Variants in CACNA1F observed in about 807,000 individuals in gnomAD.
CACNA1F encodes voltage-dependent L-type calcium channel subunit alpha-1F.
A neutral mutation model predicts 143.8 loss-of-function variants in CACNA1F; 59 were observed. The ratio of observed to expected loss-of-function variants is 0.41; its 90% CI spans 0.33 to 0.51. The LOEUF (loss-of-function observed/expected upper bound fraction) is 0.51, where lower values mean the gene tolerates loss of function less well. CACNA1F is among the 20% of genes least tolerant of loss of function. The pLI is 0.22. For missense variants in CACNA1F, 1,411 were observed against 1,647.5 expected (o/e 0.86, Z 2.48); for synonymous variants, 643 against 649.1 (o/e 0.99, Z 0.14).
In CACNA1F at chrX:49,209,779, G is replaced by A. The variant is rs782147016; in HGVS notation, c.4691-20C>T. On this transcript the variant is annotated intron_variant, in intron 40 of 47. Transcript: ENST00000323022. ...CCTCCTCTAGGGGCAAGGGAGAGAA[G>A]GCAAGATCACACAGGGGCCCTCTGA... 1,194 of 1,208,830 alleles carry A rather than the reference G, an allele frequency of 9.9e-4. 9 individuals carry two copies. In the South Asian group the frequency reaches 0.02, roughly 20 times the overall value.
chrX:49,228,219 C>A (rs782497188), intron 7 of CACNA1F, 32 bp downstream of exon 7: 2 of 1,201,343 alleles, frequency 1.7e-6, no homozygotes, highest in East Asian at 5.9e-5. Context: ...GCAGGTGCAG[C>A]CTTTGAGCTC....
At chrX:49,214,925 T>C (rs2065695330) in intron 29 of CACNA1F, among the ~76,000 whole-genome samples, 161 bp downstream of exon 29, 1 of 111,030 alleles carries the variant, frequency 9.0e-6, no homozygotes, top group Non-Finnish European at 1.9e-5. Flanking sequence ...GTACTGGCCA[T>C]AGACTTAAAG....
intron 13 of CACNA1F, among the ~76,000 whole-genome samples, chrX:49,225,287 G>T (rs782712828): frequency 9.0e-6 from 1 of 110,892 alleles, no homozygotes; most frequent in Non-Finnish European, 1.9e-5. Flanking sequence ...GACTGGGGCT[G>T]GTTTGTGGGT....
At chrX:49,226,838 G>A in intron 9 of CACNA1F, 132 bp downstream of exon 9, 1 of 1,023,794 alleles carries the variant, frequency 9.8e-7, no homozygotes, top group Non-Finnish European at 1.4e-6. Context: ...TAACTTGGGG[G>A]CTGGGGCTAG....
intron 19 of CACNA1F, among the ~76,000 whole-genome samples, chrX:49,220,160 C>T (rs1602642101): frequency 8.9e-6 from 1 of 112,160 alleles, no homozygotes; most frequent in Non-Finnish European, 1.9e-5. Context: ...TCACTGCAAC[C>T]TTGAACTTCT....
intron 6 of CACNA1F, among the ~76,000 whole-genome samples, chrX:49,229,083 G>C (rs901029552): frequency 8.9e-6 from 1 of 112,557 alleles, no homozygotes. Flanking sequence ...AGGCATGGGC[G>C]GGAGTCTGGG....
chrX:49,228,576 T>C (rs2065848094), intron 6 of CACNA1F, 129 bp from the exon 7 acceptor site: 3 of 545,339 alleles, frequency 5.5e-6, no homozygotes, highest in Middle Eastern at 5.2e-4. Flanking sequence ...TCTTTCTTTC[T>C]TTTTTTGAGA....
chrX:49,222,820 A>T lies in CACNA1F; in HGVS notation c.2104T>A (p.Trp702Arg). ...TVFQILTGEDWNVVMYDGIMA... is the reference protein window; with the variant it reads ...TVFQILTGEDRNVVMYDGIMA... ...ATACCATCATACATGACCACGTTCC[A>T]GTCCTCACCTGTCAGGATCTGGGGG... Residue 702 changes from tryptophan to arginine, a missense_variant, in exon 16 of 48, where the codon TGG becomes AGG. Physicochemically the swap from Trp to Arg is moderately radical, Grantham distance 101. Around this residue, in one of 3 missense-constraint regions of CACNA1F, gnomAD observed 950 missense variants for 1,128.1 expected, o/e 0.84. Coordinates refer to ENST00000323022, the MANE Select transcript of CACNA1F (RefSeq NM_001256789.3). 8.3e-7 allele frequency: 1 copy of T among 1,211,459 alleles called. No individual in the cohort carries two copies. Among genetic ancestry groups the T allele is most frequent in the Non-Finnish European group, 1.1e-6 (1 of 895,319 alleles).
rs782497299 is a variant in CACNA1F, at chrX:49,205,164, G to A, written c.5874C>T (p.Asp1958=). 14 of 1,207,982 alleles carry A rather than the reference G, an allele frequency of 1.2e-5. No individual in the cohort carries two copies. Among genetic ancestry groups the A allele is most frequent in the African/African-American group, 5.2e-5 (3 of 57,230 alleles). Residue 1958 remains aspartate (D), a synonymous_variant, in exon 48 of 48, where the codon GAC becomes GAT. Coordinates refer to ENST00000323022, the MANE Select transcript of CACNA1F (RefSeq NM_001256789.3). ...LSRFDEEDLG[D]EMACVHAL Reference sequence around the variant, plus strand: ...AGAGGGCGTGGACGCAGGCCATCTCGTCTCCCAAGTCCTCCTCATCGAAGC... The same window carrying A: ...AGAGGGCGTGGACGCAGGCCATCTCATCTCCCAAGTCCTCCTCATCGAAGC...
rs782761857 is a variant in CACNA1F at position 49,206,560 on chromosome X, A to G, written c.5423T>C (p.Ile1808Thr). ...QRQGSCEDLP[I>T]PGTYHRGRNS... ...TCGCCCACGATGATAGGTGCCTGGGATGGGTAAATCCTCACAACTGCCCTG... is the reference window on the plus strand; with the variant it reads ...TCGCCCACGATGATAGGTGCCTGGGGTGGGTAAATCCTCACAACTGCCCTG... Residue 1808 changes from isoleucine (I) to threonine (T), a missense_variant, in exon 46 of 48, where the codon ATC becomes ACC. By Grantham distance (89) the Ile-to-Thr change is moderately conservative. Coordinates refer to ENST00000323022, the MANE Select transcript of CACNA1F (RefSeq NM_001256789.3). 1.7e-6 allele frequency: 2 copies of G among 1,208,396 alleles called. No homozygotes were observed. The highest frequency in any genetic ancestry group is 2.2e-6 in the Non-Finnish European group (2 of 894,254).
intron 33 of CACNA1F, 71 bp from the exon 34 acceptor site, chrX:49,212,379 G>C: frequency 1.1e-6 from 1 of 892,532 alleles, no homozygotes; most frequent in Admixed American, 2.3e-5. Context: ...GCCCCAGAAT[G>C]CACTGCTTTC....
rs782241013 is a variant in CACNA1F at position 49,217,974 on chromosome X, C to T, written c.2960G>A (p.Arg987Gln). 2.5e-5 allele frequency: 30 copies of T among 1,207,873 alleles called. No individual in the cohort carries two copies. Among genetic ancestry groups the T allele is most frequent in the Admixed American group, 2.2e-4 (10 of 45,710 alleles). ...HVVQCVFVAI[R>Q]TIGNIMIVTT... Reference sequence around the variant, plus strand: ...GACAATCATGATGTTTCCGATGGTCCGGATGGCCACAAATACACACTGCAC... The same window carrying T: ...GACAATCATGATGTTTCCGATGGTCTGGATGGCCACAAATACACACTGCAC... Residue 987 changes from arginine to glutamine, a missense_variant, in exon 25 of 48, where the codon CGG becomes CAG. Transcript: ENST00000323022.
rs200953667 is a variant in CACNA1F, at chrX:49,211,862, C to T, written c.4100+36G>A. ...CTCAGAGAGGGTGGGTGGGCACCCA[C>T]GGGCATAAGGTGGCAGGGGAGTGAG... On this transcript the variant is annotated intron_variant, in intron 35 of 47. Coordinates refer to ENST00000323022, the MANE Select transcript of CACNA1F (RefSeq NM_001256789.3). 2.6e-5 allele frequency: 29 copies of T among 1,137,228 alleles called. No homozygotes were observed. The Admixed American group carries it at 3.7e-4, about 15-fold the overall frequency. 93.7% of individuals were successfully genotyped at this position (1,137,228 alleles called of 1,213,427 possible). A position where few individuals can be genotyped will look rare whatever the true frequency, so the allele number is the denominator to read the frequency against.
intron 26 of CACNA1F, 112 bp from the exon 27 acceptor site, chrX:49,216,640 A>G: frequency 1.4e-6 from 1 of 702,240 alleles, no homozygotes; most frequent in South Asian, 2.7e-5. Context: ...AATATGTTCT[A>G]GGTTCAAATC....
In CACNA1F at chrX:49,207,021, C is replaced by T. The variant is rs1557105076; in HGVS notation, c.5215G>A (p.Glu1739Lys). The change falls in exon 44 of 48, where the codon GAG becomes AAG. Residue 1739 changes from glutamate to lysine, a missense_variant. Glu to Lys is a moderately conservative substitution (Grantham distance 56, BLOSUM62 1). Transcript: ENST00000323022. ...TKGQNKQDEDEEVPDRLSYLD... is the reference protein window; with the variant it reads ...TKGQNKQDEDKEVPDRLSYLD... Reference sequence around the variant, plus strand: ...CCAGTGTACCGATCAGGGACTTCCTCATCCTCATCTTGCTTGTTTTGCCCT... The same window carrying T: ...CCAGTGTACCGATCAGGGACTTCCTTATCCTCATCTTGCTTGTTTTGCCCT... The T allele has an allele frequency of 2.5e-6, 3 of 1,199,139 alleles. No homozygotes were observed. The highest frequency in any genetic ancestry group is 3.0e-5 in the East Asian group (1 of 33,691).
At chrX:49,214,320 C>G (rs1455598133) in intron 29 of CACNA1F, 51 bp from the exon 30 acceptor site, 3 of 744,830 alleles carry the variant, frequency 4.0e-6, no homozygotes, top group Non-Finnish European at 6.4e-6. Context: ...GATGCCGCCA[C>G]ACCCAACCAA....
In CACNA1F at chrX:49,212,318, TG is replaced by T; in HGVS notation, c.3943-11del. 1 of 1,173,427 alleles carries T rather than the reference TG, an allele frequency of 8.5e-7. No homozygotes were observed. Among genetic ancestry groups the T allele is most frequent in the Non-Finnish European group, 1.2e-6 (1 of 861,578 alleles). ...CCACATAGGGCAAGGCCTATAGGGATGGGGGAGGGGGGCAGAGAATAGATGC... is the reference window on the plus strand; with the variant it reads ...CCACATAGGGCAAGGCCTATAGGGATGGGGAGGGGGGCAGAGAATAGATGC... On this transcript the variant is annotated splice_polypyrimidine_tract_variant and intron_variant, in intron 33 of 47. Transcript: ENST00000323022.
rs2065861473 is a variant in CACNA1F, at chrX:49,229,965, TAA to T, written c.817+253_817+254del. ...GTCTTAAGTGCGGGGCACTTGCACT[TAA>T]GTCTTAAGTGCGGGGCAGGACCTTA... On this transcript the variant is annotated intron_variant, in intron 6 of 47. Coordinates refer to ENST00000323022, the MANE Select transcript of CACNA1F (RefSeq NM_001256789.3). Among the ~76,000 whole-genome samples, 4 of 112,256 alleles carry T rather than the reference TAA, an allele frequency of 3.6e-5. No homozygotes were observed. The Admixed American group carries it at 3.8e-4, about 11-fold the overall frequency.
rs375895700 is a variant in CACNA1F, at chrX:49,211,105, G to A, written c.4261-13C>T. ...AGAGATTTATGATCTGTGGGCCAGT[G>A]AGCAAGGGAGCAGTTAGGTGAAGGG... is the stretch of plus-strand genomic sequence containing the variant. On this transcript the variant is annotated splice_polypyrimidine_tract_variant and intron_variant, in intron 36 of 47. Coordinates refer to ENST00000323022, the MANE Select transcript of CACNA1F (RefSeq NM_001256789.3). 5 of 1,206,317 alleles carry A rather than the reference G, an allele frequency of 4.1e-6. No individual in the cohort carries two copies. The African/African-American group carries it at 8.8e-5, about 21-fold the overall frequency.
Sources: gnomAD v4.1 joint callset for allele counts (sites outside exome capture counted in the v4.1 genomes callset) on GRCh38, gnomAD v4.1.1 for gene constraint, gnomAD v4.1.1 regional missense constraint, MANE v1.5 for transcripts, NCBI Gene and HGNC (gene_info 2026-07-23, HGNC 2026-07-21) for gene names.